PRRX1: variants seen among roughly 807,000 people sequenced by gnomAD.
PRRX1 encodes paired mesoderm homeobox protein 1.
Under a neutral mutation model 24.0 loss-of-function variants are expected in PRRX1, and 8 were observed. The observed-to-expected ratio is 0.33, with a 90% CI of 0.20 to 0.60. PRRX1 has a LOEUF of 0.60. Among genes scored for constraint, PRRX1 ranks in the 20% least tolerant of loss-of-function variants. PRRX1 has a pLI of 0.82. For synonymous variants in PRRX1, 160 were observed against 131.7 expected (o/e 1.22, Z -1.47); for missense variants, 281 against 322.4 (o/e 0.87, Z 0.98).
At chr1:170,676,332 T>TCTTTTTTTTTCTTTACCTCACATTC (rs5778675) in intron 1 of PRRX1, among the ~76,000 whole-genome samples, 2 of 149,864 alleles carry the variant, frequency 1.3e-5, no homozygotes, top group Non-Finnish European at 3.0e-5. Flanking sequence ...CTCCCCTCTC[T>TCTTTTTTTTTCTTTACCTCACATTC]TTTTTTTTTC....
intron 1 of PRRX1, among the ~76,000 whole-genome samples, chr1:170,682,308 A>T (rs1388182586): frequency 6.6e-6 from 1 of 151,900 alleles, no homozygotes; most frequent in Admixed American, 6.6e-5. Context: ...CCATGTTCTC[A>T]GTCACCCTTG....
intron 3 of PRRX1, among the ~76,000 whole-genome samples, chr1:170,731,959 G>C (rs992150981): frequency 6.6e-6 from 1 of 152,144 alleles, no homozygotes; most frequent in Non-Finnish European, 1.5e-5. Flanking sequence ...ACTAAAAATG[G>C]GGCTTTAGCC....
At chr1:170,722,613 G>A (rs1655125552) in intron 2 of PRRX1, 1 of 152,118 alleles carries the variant, frequency 6.6e-6, no homozygotes, top group Non-Finnish European at 1.5e-5. Context: ...GGGGGAAAAG[G>A]GAGAGAATTT....
chr1:170,665,588 C>G (rs567227785), intron 1 of PRRX1, among the ~76,000 whole-genome samples: 45 of 152,322 alleles, frequency 3.0e-4, no homozygotes, highest in Middle Eastern at 3.4e-3. Flanking sequence ...AACCGGGGGG[C>G]CCTCCAGCAT....
chr1:170,722,602 TG>T (rs1454988799), intron 2 of PRRX1: 1 of 152,154 alleles, frequency 6.6e-6, no homozygotes, highest in Non-Finnish European at 1.5e-5. Context: ...CCAATCTGCC[TG>T]GGGGAAAAGG....
intron 1 of PRRX1, among the ~76,000 whole-genome samples, chr1:170,665,130 G>A (rs1652873855): frequency 6.6e-6 from 1 of 152,198 alleles, no homozygotes; most frequent in Non-Finnish European, 1.5e-5. Context: ...GGAAAACTCG[G>A]GCCAAGCAAA....
chr1:170,719,976 C>A (rs951587797), intron 2 of PRRX1, 75 bp downstream of exon 2: 6 of 1,565,546 alleles, frequency 3.8e-6, no homozygotes, highest in Admixed American at 3.3e-5. Context: ...TGTTTAAAAA[C>A]ACAAATTATA....
chr1:170,689,191 A>C (rs76231658), intron 1 of PRRX1, among the ~76,000 whole-genome samples: 3,380 of 152,262 alleles, frequency 0.022, 47 homozygotes, highest in Middle Eastern at 0.044. Flanking sequence ...AAGATTAATA[A>C]AAATGTATGT....
At chr1:170,679,581 A>G (rs753558343) in intron 1 of PRRX1, among the ~76,000 whole-genome samples, 1 of 152,174 alleles carries the variant, frequency 6.6e-6, no homozygotes, top group East Asian at 1.9e-4. Flanking sequence ...TTGTATTTTC[A>G]GTAGAGACGG....
chr1:170,697,757 TAG>T (rs1228870280), intron 1 of PRRX1, among the ~76,000 whole-genome samples: 1 of 147,462 alleles, frequency 6.8e-6, no homozygotes, highest in East Asian at 1.9e-4. Flanking sequence ...TATACATATA[TAG>T]ATATATAAAT....
At chr1:170,670,041 C>G (rs1018242723) in intron 1 of PRRX1, among the ~76,000 whole-genome samples, 4 of 152,026 alleles carry the variant, frequency 2.6e-5, no homozygotes, top group Admixed American at 6.6e-5. Context: ...TTAACAGGAC[C>G]CTTAAAGTAT....
At chr1:170,714,881 A>T (rs1398853857) in intron 1 of PRRX1, among the ~76,000 whole-genome samples, 1 of 152,152 alleles carries the variant, frequency 6.6e-6, no homozygotes, top group East Asian at 1.9e-4. Context: ...CACAGAGGGT[A>T]GCCTACCTTG....
At chr1:170,702,115 C>G (rs1053103949) in intron 1 of PRRX1, among the ~76,000 whole-genome samples, 2 of 152,174 alleles carry the variant, frequency 1.3e-5, no homozygotes, top group African/African-American at 4.8e-5. Flanking sequence ...CCCGCGCATG[C>G]GCAGTTCACA....
chr1:170,709,464 C>T (rs1654674349), intron 1 of PRRX1, among the ~76,000 whole-genome samples: 1 of 152,168 alleles, frequency 6.6e-6, no homozygotes, highest in African/African-American at 2.4e-5. Context: ...TGCTAAGCTT[C>T]AGGTATGACA....
chr1:170,682,984 AT>A (rs1653606030), intron 1 of PRRX1, among the ~76,000 whole-genome samples: 1 of 152,236 alleles, frequency 6.6e-6, no homozygotes, highest in East Asian at 1.9e-4. Flanking sequence ...AAGAAGGTCA[AT>A]GTGACTGGAA....
At chr1:170,675,514 T>TC in intron 1 of PRRX1, among the ~76,000 whole-genome samples, 11 of 152,150 alleles carry the variant, frequency 7.2e-5, no homozygotes, top group African/African-American at 2.7e-4. Flanking sequence ...AGGAAAATGA[T>TC]TTACTATATA....
In PRRX1 at chr1:170,719,855, G is replaced by A; in HGVS notation, c.371G>A (p.Arg124Gln). 3 of 1,614,154 alleles carry A rather than the reference G, an allele frequency of 1.9e-6. No individual in the cohort carries two copies. Among genetic ancestry groups the A allele is most frequent in the South Asian group, 1.1e-5 (1 of 91,086 alleles). The change falls in exon 2 of 4, where the codon CGA becomes CAA. Residue 124 changes from arginine to glutamine, a missense_variant. By Grantham distance (43) the Arg-to-Gln change is conservative (BLOSUM62 1). Coordinates refer to ENST00000239461, the MANE Select transcript of PRRX1 (RefSeq NM_022716.4). ...ACACACTATCCTGATGCTTTTGTGC[G>A]AGAAGACCTTGCCCGCCGGGTGAAC... is the stretch of plus-strand genomic sequence containing the variant. ...ERTHYPDAFVREDLARRVNLT... is the reference protein window; with the variant it reads ...ERTHYPDAFVQEDLARRVNLT...
intron 1 of PRRX1, among the ~76,000 whole-genome samples, chr1:170,701,823 G>T (rs553036513): frequency 6.6e-6 from 1 of 152,066 alleles, no homozygotes; most frequent in Non-Finnish European, 1.5e-5. Flanking sequence ...ATTATTAATA[G>T]CATATCCATC....
intron 1 of PRRX1, chr1:170,669,476 C>G (rs1653070482): frequency 1.0e-5 from 1 of 96,698 alleles, no homozygotes; most frequent in Non-Finnish European, 2.0e-5. Context: ...TGATGCGTTT[C>G]TATTCCACCG....
Sources: allele counts gnomAD v4.1 joint callset (sites outside exome capture counted in the v4.1 genomes callset), GRCh38; gene constraint gnomAD v4.1.1; transcripts MANE v1.5; gene names NCBI Gene and HGNC (gene_info 2026-07-23, HGNC 2026-07-21).